Variants in RAP1GDS1 observed in about 807,000 individuals in gnomAD.
The protein encoded by RAP1GDS1 is RAP1, GTP-GDP dissociation stimulator 1.
In RAP1GDS1, 35 loss-of-function variants were observed where a neutral mutation model predicts 71.1. The ratio of observed to expected loss-of-function variants is 0.49; its 90% CI spans 0.38 to 0.65. RAP1GDS1 has a LOEUF of 0.65. Ranked by LOEUF, RAP1GDS1 falls within the 30% of genes least tolerant of loss-of-function variation. The pLI is 0.00. For missense variants in RAP1GDS1, 663 were observed against 706.1 expected, an observed-to-expected ratio of 0.94 and a Z score of 0.69; for synonymous variants, 229 against 243.1, an observed-to-expected ratio of 0.94 and a Z score of 0.54.
intron 4 of RAP1GDS1, 102 bp from the exon 5 acceptor site, chr4:98,378,915 T>C (rs1741572596): frequency 7.1e-6 from 8 of 1,129,392 alleles, no homozygotes; most frequent in Middle Eastern, 2.8e-4. Flanking sequence ...TTATTTTCTA[T>C]TTATTCACAA....
intron 1 of RAP1GDS1, among the ~76,000 whole-genome samples, chr4:98,288,982 C>G (rs1726485436): frequency 6.6e-6 from 1 of 152,068 alleles, no homozygotes; most frequent in African/African-American, 2.4e-5. Flanking sequence ...CCCCCTTTAT[C>G]CACAGGGATA....
intron 2 of RAP1GDS1, among the ~76,000 whole-genome samples, chr4:98,336,168 C>T (rs949250211): frequency 6.6e-6 from 1 of 152,066 alleles, no homozygotes; most frequent in African/African-American, 2.4e-5. Context: ...ATCTGTATTT[C>T]TTATAGGTAA....
At chr4:98,352,757 C>G (rs1737401452) in intron 4 of RAP1GDS1, among the ~76,000 whole-genome samples, 156 bp downstream of exon 4, 1 of 152,168 alleles carries the variant, frequency 6.6e-6, no homozygotes, top group Admixed American at 6.5e-5. Context: ...TATGGAGATT[C>G]AGGTCGTTGT....
At chr4:98,370,890 G>A (rs1369240519) in intron 4 of RAP1GDS1, among the ~76,000 whole-genome samples, 2 of 151,900 alleles carry the variant, frequency 1.3e-5, no homozygotes, top group Non-Finnish European at 2.9e-5. Context: ...CTTTTATTCT[G>A]TTTACTACTC....
chr4:98,266,325 G>T (rs1722711913), intron 1 of RAP1GDS1, among the ~76,000 whole-genome samples: 1 of 151,918 alleles, frequency 6.6e-6, no homozygotes, highest in Non-Finnish European at 1.5e-5. Flanking sequence ...AATTTTGCAT[G>T]GCATTTTGCC....
chr4:98,433,513 C>T (rs557615000), intron 12 of RAP1GDS1, among the ~76,000 whole-genome samples: 1 of 152,082 alleles, frequency 6.6e-6, no homozygotes, highest in Non-Finnish European at 1.5e-5. Context: ...AGGCTGGTCT[C>T]AAGCGATCCT....
chr4:98,429,675 T>G (rs546156194), intron 12 of RAP1GDS1, among the ~76,000 whole-genome samples: 9 of 152,254 alleles, frequency 5.9e-5, no homozygotes, highest in African/African-American at 1.9e-4. Flanking sequence ...CAAAAGAATT[T>G]CATAATGTTT....
rs983531579 is a variant in RAP1GDS1 at position 98,352,502 on chromosome 4, G to T, written c.262G>T (p.Ala88Ser). ...NEFMRIPCVD[A>S]GLISPLVQLL... ...GTTTATGCGAATTCCATGTGTGGATGCTGGATTGATTTCACCACTGGTGCA... is the reference window on the plus strand; with the variant it reads ...GTTTATGCGAATTCCATGTGTGGATTCTGGATTGATTTCACCACTGGTGCA... The change falls in exon 4 of 15, where the codon GCT (alanine) becomes TCT (serine). Residue 88 changes from alanine (A) to serine (S), a missense_variant. By Grantham distance (99) the Ala-to-Ser change is moderately conservative (BLOSUM62 1). Coordinates refer to ENST00000408927, the MANE Select transcript of RAP1GDS1 (RefSeq NM_001100427.2). 3 of 1,613,906 alleles carry T rather than the reference G, an allele frequency of 1.9e-6. No individual in the cohort carries two copies. The highest frequency in any genetic ancestry group is 2.5e-6 in the Non-Finnish European group (3 of 1,179,852).
At chr4:98,309,003 C>T (rs897955559) in intron 2 of RAP1GDS1, among the ~76,000 whole-genome samples, 6 of 151,840 alleles carry the variant, frequency 4.0e-5, no homozygotes, top group African/African-American at 9.7e-5. Flanking sequence ...AATAAGTATT[C>T]ATTTATTTGT....
chr4:98,437,435 C>T (rs1751287622), intron 14 of RAP1GDS1, among the ~76,000 whole-genome samples: 1 of 152,090 alleles, frequency 6.6e-6, no homozygotes, highest in African/African-American at 2.4e-5. Flanking sequence ...GTCTCATGAA[C>T]CCTAAAATGT....
At chr4:98,323,018 C>T (rs561494454) in intron 2 of RAP1GDS1, among the ~76,000 whole-genome samples, 30 of 151,422 alleles carry the variant, frequency 2.0e-4, no homozygotes, top group Non-Finnish European at 4.0e-4. Flanking sequence ...AATTGATAGA[C>T]CGCTAGCAAG....
rs776385287 is a variant in RAP1GDS1 at position 98,404,574 on chromosome 4, T to C, written c.735T>C (p.Phe245=). 6.2e-7 allele frequency: 1 copy of C among 1,604,610 alleles called. No individual in the cohort carries two copies. The highest frequency in any genetic ancestry group is 8.5e-7 in the Non-Finnish European group (1 of 1,176,610). The part of the protein sequence containing the change: ...QIEHDKREMI[F]EVLAPLAEND... ...AACATGATAAGAGAGAAATGATTTT[T>C]GAAGTTCTTGCTCCATTGGCAGAAA... The change falls in exon 7 of 15, where the codon TTT becomes TTC. Residue 245 remains phenylalanine (F), a synonymous_variant. Coordinates refer to ENST00000408927, the MANE Select transcript of RAP1GDS1 (RefSeq NM_001100427.2).
At chr4:98,390,189 G>T (rs1203476939) in intron 5 of RAP1GDS1, among the ~76,000 whole-genome samples, 1 of 152,084 alleles carries the variant, frequency 6.6e-6, no homozygotes, top group African/African-American at 2.4e-5. Flanking sequence ...GCTCCTTGGT[G>T]CATGATTATT....
At position 98,420,119 on chromosome 4, in the gene RAP1GDS1, AT is replaced by A; in HGVS notation, c.1277del (p.Leu426Ter). On this transcript the variant is annotated frameshift_variant, in exon 11 of 15. Transcript: ENST00000408927. LOFTEE classifies it high-confidence loss of function. Reference protein sequence around the residue: ...PPVQFKLLGTLRMLIDAQAEA... With the variant: ...PPVQFKLLGTXRMLIDAQAEA... ...CTGTTCAGTTCAAACTTCTGGGAAC[AT>A]TAAGAATGTTAATAGATGCACAAGG... The A allele has an allele frequency of 6.3e-7, 1 of 1,580,620 alleles. No individual in the cohort carries two copies.
At chr4:98,272,697 G>T (rs1723646326) in intron 1 of RAP1GDS1, among the ~76,000 whole-genome samples, 1 of 152,092 alleles carries the variant, frequency 6.6e-6, no homozygotes, top group Non-Finnish European at 1.5e-5. Flanking sequence ...CAGTGACCAT[G>T]ACCTTTTTTT....
At chr4:98,378,576 G>A (rs1442184836) in intron 4 of RAP1GDS1, among the ~76,000 whole-genome samples, 1 of 151,806 alleles carries the variant, frequency 6.6e-6, no homozygotes, top group Non-Finnish European at 1.5e-5. Flanking sequence ...GGTTTTCTTC[G>A]ATAATAGCTG....
At chr4:98,365,155 A>C (rs896261942) in intron 4 of RAP1GDS1, among the ~76,000 whole-genome samples, 2 of 152,220 alleles carry the variant, frequency 1.3e-5, no homozygotes, top group African/African-American at 4.8e-5. Context: ...AAGGATGTTC[A>C]GATTTGATTG....
chr4:98,365,640 C>T lies in RAP1GDS1; in HGVS notation c.361+13039C>T, dbSNP rs1264394410. On this transcript the variant is annotated intron_variant, in intron 4 of 14. Transcript: ENST00000408927. Reference sequence around the variant, plus strand: ...CCTGTCTCAAAAAAATAAAATAATACTGTCCTTCTAATTGTTCTGAATAAA... The same window carrying T: ...CCTGTCTCAAAAAAATAAAATAATATTGTCCTTCTAATTGTTCTGAATAAA... 2.0e-5 allele frequency among the ~76,000 whole-genome samples: 3 copies of T among 152,214 alleles called. No homozygotes were observed. In the East Asian group the frequency reaches 5.8e-4, roughly 29 times the overall value.
At chr4:98,272,647 G>C (rs184183246) in intron 1 of RAP1GDS1, among the ~76,000 whole-genome samples, 1 of 152,170 alleles carries the variant, frequency 6.6e-6, no homozygotes, top group East Asian at 1.9e-4. Flanking sequence ...GTTTCACCGG[G>C]ATTCAGAAAG....
Sources: allele counts gnomAD v4.1 joint callset (sites outside exome capture counted in the v4.1 genomes callset), GRCh38; gene constraint gnomAD v4.1.1; transcripts MANE v1.5; gene names NCBI Gene and HGNC (gene_info 2026-07-23, HGNC 2026-07-21).